The following OPCML variants were observed in gnomAD, a reference collection of about 807,000 sequenced individuals.
OPCML encodes the protein opioid binding protein/cell adhesion molecule like.
Under a neutral mutation model 37.8 loss-of-function variants are expected in OPCML, and 13 were observed. The ratio of observed to expected loss-of-function variants is 0.34; its 90% confidence interval spans 0.22 to 0.55. OPCML has a LOEUF of 0.55. Among genes scored for constraint, OPCML ranks in the 20% least tolerant of loss-of-function variants. The pLI is 0.91. For synonymous variants in OPCML, 176 were observed against 168.8 expected, an observed-to-expected ratio of 1.04 and a Z score of -0.33; for missense variants, 341 against 435.6, an observed-to-expected ratio of 0.78 and a Z score of 1.93.
At position 133,177,104 on chromosome 11, in the gene OPCML, C is replaced by T. The variant is rs528511263; in HGVS notation, c.62-234094G>A. On this transcript the variant is annotated intron_variant, in intron 1 of 7. Coordinates refer to ENST00000524381, the MANE Select transcript of OPCML (RefSeq NM_001012393.5). This position sits in a 1 kb window ranked among gnomAD's most constrained non-coding sequence, Gnocchi z 5.0. ...GTCCAAGGGCCAGGTGTCACCACAA[C>T]CATGTATGTGTGATGGTTCTGTAAA... Among the ~76,000 whole-genome samples the T allele has an allele frequency of 7.9e-5, 12 of 152,182 alleles. No homozygotes were observed. Among genetic ancestry groups the T allele is most frequent in the Non-Finnish European group, 1.8e-4 (12 of 68,030 alleles).
rs1949804717 is a variant in OPCML, at chr11:133,141,005, ACGACGACGACGACGAC to A, written c.62-198011_62-197996del. Among the ~76,000 whole-genome samples, 11 of 9,924 alleles carry A rather than the reference ACGACGACGACGACGAC, an allele frequency of 1.1e-3. 2 individuals are homozygous for A. Among genetic ancestry groups the A allele is most frequent in the African/African-American group, 2.0e-3 (10 of 5,004 alleles). The allele number at this position is 9,924 out of a possible 152,430, so 6.5% of individuals were successfully genotyped here. On this transcript the variant is annotated intron_variant, in intron 1 of 7. Transcript: ENST00000524381. The stretch of plus-strand genomic sequence containing the variant: ...GAAGAAGAAGAAGAAGAAGACGACG[ACGACGACGACGACGAC>A]GACGACGACGACGACGACGACGACG...
intron 1 of OPCML, among the ~76,000 whole-genome samples, chr11:133,374,967 A>T (rs1312607303): frequency 6.6e-6 from 1 of 152,208 alleles, no homozygotes; most frequent in African/African-American, 2.4e-5. Context: ...TACTAATTAT[A>T]ATCTGACTAA....
chr11:132,455,473 C>A (rs1425089727), intron 4 of OPCML, among the ~76,000 whole-genome samples: 1 of 152,182 alleles, frequency 6.6e-6, no homozygotes, highest in Non-Finnish European at 1.5e-5. Context: ...TTCCCGTGGG[C>A]AAAGGTTAAA....
chr11:132,593,995 T>C (rs571442949), intron 3 of OPCML, among the ~76,000 whole-genome samples: 1 of 152,330 alleles, frequency 6.6e-6, no homozygotes, highest in East Asian at 1.9e-4. Context: ...TGTATGTCAC[T>C]GCAAGCTTAG....
At chr11:133,440,479 C>A (rs1433227371) in intron 1 of OPCML, among the ~76,000 whole-genome samples, 1 of 151,310 alleles carries the variant, frequency 6.6e-6, no homozygotes, top group Non-Finnish European at 1.5e-5. Flanking sequence ...GTAATCCCAG[C>A]ACTTTGGGAG....
chr11:133,520,567 A>C (rs1948377749), intron 1 of OPCML, among the ~76,000 whole-genome samples: 1 of 152,182 alleles, frequency 6.6e-6, no homozygotes, highest in Non-Finnish European at 1.5e-5. Flanking sequence ...TCATCAGCCC[A>C]TGTGTAGAGA....
intron 4 of OPCML, among the ~76,000 whole-genome samples, chr11:132,491,898 T>A (rs1397668945): frequency 6.6e-6 from 1 of 151,744 alleles, no homozygotes; most frequent in Non-Finnish European, 1.5e-5. Context: ...TTGGAGATAT[T>A]GTAGGTGGGG....
intron 1 of OPCML, among the ~76,000 whole-genome samples, chr11:132,957,653 C>T (rs1946000259): frequency 6.6e-6 from 1 of 151,954 alleles, no homozygotes; most frequent in Non-Finnish European, 1.5e-5. Flanking sequence ...CTATCGGCAC[C>T]ATTTTTTCCA....
intron 4 of OPCML, among the ~76,000 whole-genome samples, chr11:132,514,681 T>A (rs1386068486): frequency 6.6e-6 from 1 of 152,184 alleles, no homozygotes; most frequent in Non-Finnish European, 1.5e-5. Flanking sequence ...TTGTTCCAAC[T>A]GCTTTCATGC....
intron 2 of OPCML, among the ~76,000 whole-genome samples, chr11:132,867,963 AAAG>A (rs1220371287): frequency 6.6e-6 from 1 of 152,228 alleles, no homozygotes; most frequent in Non-Finnish European, 1.5e-5. Context: ...GAGAAGTGAC[AAAG>A]AAGTTCTCTC....
intron 1 of OPCML, among the ~76,000 whole-genome samples, chr11:133,318,542 C>T (rs1380537637): frequency 2.0e-5 from 3 of 152,080 alleles, no homozygotes; most frequent in African/African-American, 7.2e-5. Flanking sequence ...TTCCCATTTG[C>T]CAGGATATAT....
At chr11:132,842,432 C>G (rs1384784242) in intron 2 of OPCML, among the ~76,000 whole-genome samples, 1 of 152,200 alleles carries the variant, frequency 6.6e-6, no homozygotes, top group South Asian at 2.1e-4. Context: ...TTCGCAGTAG[C>G]TTAAGGGCTA....
chr11:133,508,003 C>A (rs1302535232), intron 1 of OPCML, among the ~76,000 whole-genome samples: 1 of 151,694 alleles, frequency 6.6e-6, no homozygotes, highest in African/African-American at 2.4e-5. Context: ...GCTGTAAGAT[C>A]GTTTTCCCCA....
chr11:132,453,458 G>A (rs2096073653), intron 4 of OPCML, among the ~76,000 whole-genome samples: 1 of 152,100 alleles, frequency 6.6e-6, no homozygotes, highest in African/African-American at 2.4e-5. Flanking sequence ...CCCCAGGGCC[G>A]GGTGTAATTC....
intron 4 of OPCML, among the ~76,000 whole-genome samples, chr11:132,488,670 T>C (rs556380992): frequency 6.6e-6 from 1 of 152,370 alleles, no homozygotes; most frequent in East Asian, 1.9e-4. Flanking sequence ...AAATTTTTTC[T>C]TTAGTCATAC....
intron 1 of OPCML, among the ~76,000 whole-genome samples, chr11:133,012,208 A>G (rs1947232213): frequency 6.6e-6 from 1 of 152,168 alleles, no homozygotes. Context: ...ATCCCATAAT[A>G]CATAGGACAG....
At chr11:132,805,401 G>A (rs1371399882) in intron 2 of OPCML, among the ~76,000 whole-genome samples, 1 of 152,164 alleles carries the variant, frequency 6.6e-6, no homozygotes, top group African/African-American at 2.4e-5. Context: ...GTGGCAGAGA[G>A]CTTCCCACAT....
chr11:132,770,928 T>C (rs1161573220), intron 2 of OPCML, among the ~76,000 whole-genome samples: 1 of 152,168 alleles, frequency 6.6e-6, no homozygotes, highest in Non-Finnish European at 1.5e-5. Flanking sequence ...TGATAGACCA[T>C]ATGGTCTGGC....
chr11:132,605,097 C>G (rs1287392003), intron 3 of OPCML, among the ~76,000 whole-genome samples: 2 of 152,238 alleles, frequency 1.3e-5, no homozygotes, highest in Admixed American at 1.3e-4. Flanking sequence ...AGCTGTGTGA[C>G]TTGGTGAGGC....
Sources: allele counts gnomAD v4.1 joint callset (sites outside exome capture counted in the v4.1 genomes callset), GRCh38; gene constraint gnomAD v4.1.1; non-coding constraint Gnocchi (gnomAD v3.1); transcripts MANE v1.5; gene names NCBI Gene and HGNC (gene_info 2026-07-23, HGNC 2026-07-21).